USH2A: variants seen among roughly 807,000 people sequenced by gnomAD.
USH2A encodes Usher syndrome 2A (autosomal recessive, mild).
A neutral mutation model predicts 538.9 loss-of-function variants in USH2A; 443 were observed. That is an observed-to-expected ratio of 0.82 (90% CI 0.76 to 0.89). The LOEUF (loss-of-function observed/expected upper bound fraction) is 0.89. Among genes scored for constraint, USH2A ranks in the 40% least tolerant of loss-of-function variants. USH2A has a pLI of 0.00. For missense variants in USH2A, 6,633 were observed against 6,324.8 expected, an observed-to-expected ratio of 1.05 and a Z score of -1.65; for synonymous variants, 2,413 against 2,273.5, an observed-to-expected ratio of 1.06 and a Z score of -1.75.
chr1:216,192,159 C>T (rs1221873096), intron 19 of USH2A, among the ~76,000 whole-genome samples: 2 of 152,124 alleles, frequency 1.3e-5, no homozygotes, highest in African/African-American at 4.8e-5. Flanking sequence ...TACATCATCA[C>T]CACTTTTACG....
At chr1:216,353,957 C>T (rs1233264660) in intron 4 of USH2A, among the ~76,000 whole-genome samples, 2 of 152,132 alleles carry the variant, frequency 1.3e-5, no homozygotes, top group Non-Finnish European at 2.9e-5. Flanking sequence ...CCCAGGGCTA[C>T]TCCCATACTT....
intron 38 of USH2A, among the ~76,000 whole-genome samples, chr1:215,923,421 T>C (rs927744): frequency 0.87 from 131,850 of 152,108 alleles, 57,247 homozygotes; most frequent in African/African-American, 0.91. Flanking sequence ...AGGGGCAACA[T>C]GGCTGGCAGC....
chr1:215,626,187 T>C (rs1656016902), intron 71 of USH2A, among the ~76,000 whole-genome samples: 1 of 151,130 alleles, frequency 6.6e-6, no homozygotes, highest in Admixed American at 6.6e-5. Context: ...TGTGTACATA[T>C]ATACTTGATA....
intron 51 of USH2A, among the ~76,000 whole-genome samples, chr1:215,787,249 A>T (rs577052623): frequency 6.6e-6 from 1 of 152,192 alleles, no homozygotes. Flanking sequence ...CTCAAAACTG[A>T]TAAGTCTTTA....
intron 40 of USH2A, among the ~76,000 whole-genome samples, chr1:215,890,432 G>A (rs1242685784): frequency 6.6e-6 from 1 of 152,054 alleles, no homozygotes; most frequent in African/African-American, 2.4e-5. Context: ...CAGGATCCAC[G>A]TATTTGTCAC....
chr1:215,988,552 T>C (rs1339568877), intron 35 of USH2A, among the ~76,000 whole-genome samples: 1 of 152,072 alleles, frequency 6.6e-6, no homozygotes, highest in Non-Finnish European at 1.5e-5. Flanking sequence ...ATCTAATAAT[T>C]CTATTATTAA....
intron 64 of USH2A, among the ~76,000 whole-genome samples, chr1:215,656,411 T>A (rs1180878345): frequency 6.6e-6 from 1 of 152,226 alleles, no homozygotes; most frequent in Non-Finnish European, 1.5e-5. Flanking sequence ...TACTTCATAA[T>A]ATATGGTTTA....
intron 61 of USH2A, among the ~76,000 whole-genome samples, chr1:215,709,974 G>A (rs1223256946): frequency 6.6e-6 from 1 of 152,150 alleles, no homozygotes; most frequent in Non-Finnish European, 1.5e-5. Flanking sequence ...AAGTGATTGG[G>A]GCAAGGTATA....
Position 216,104,363 on chromosome 1 carries a change from A to G in USH2A, c.4628-7150T>C, listed in dbSNP as rs529501576. 2.6e-5 allele frequency among the ~76,000 whole-genome samples: 4 copies of G among 152,226 alleles called. No individual in the cohort carries two copies. The South Asian group carries it at 8.3e-4, about 32-fold the overall frequency. On this transcript the variant is annotated intron_variant, in intron 21 of 71. Coordinates refer to ENST00000307340, the MANE Select transcript of USH2A (RefSeq NM_206933.4). ...TAGTTTGCTGAGAATGATGGTTTCC[A>G]GCTTCATCCATGTCCCTACAAAGGA...
In USH2A at chr1:216,046,392, T is replaced by G. The variant is rs748466677; in HGVS notation, c.6325+39A>C. Reference sequence around the variant, plus strand: ...CTATATGTATGTTTATATTTGAATATAGACTATAACAATTCGCTGATAACT... The same window carrying G: ...CTATATGTATGTTTATATTTGAATAGAGACTATAACAATTCGCTGATAACT... On this transcript the variant is annotated intron_variant, in intron 32 of 71. Coordinates refer to ENST00000307340, the MANE Select transcript of USH2A (RefSeq NM_206933.4). 5.6e-6 allele frequency: 9 copies of G among 1,611,710 alleles called. No individual in the cohort carries two copies. In the African/African-American group the frequency reaches 1.1e-4, roughly 19 times the overall value.
intron 22 of USH2A, 56 bp from the exon 23 acceptor site, chr1:216,089,195 A>G: frequency 6.5e-7 from 1 of 1,548,306 alleles, no homozygotes; most frequent in Non-Finnish European, 8.9e-7. Flanking sequence ...ACAAATAAAC[A>G]CACACATATT....
chr1:216,010,860 G>A (rs1244219965), intron 32 of USH2A, among the ~76,000 whole-genome samples: 19 of 151,572 alleles, frequency 1.3e-4, no homozygotes, highest in East Asian at 1.2e-3. Context: ...CCTCCTTTGC[G>A]TCCTCCTCTT....
chr1:215,629,255 G>A (rs940695591), intron 70 of USH2A, among the ~76,000 whole-genome samples: 4 of 152,170 alleles, frequency 2.6e-5, no homozygotes, highest in African/African-American at 9.7e-5. Flanking sequence ...ATGAGATGAT[G>A]AGCTAATACT....
At chr1:216,175,534 GAC>G in intron 20 of USH2A, 52 bp from the exon 21 acceptor site, 2 of 1,518,198 alleles carry the variant, frequency 1.3e-6, no homozygotes, top group African/African-American at 1.4e-5. Context: ...TCTGTCTCTA[GAC>G]ACACATATTC....
At chr1:215,711,520 C>T (rs1000988532) in intron 61 of USH2A, among the ~76,000 whole-genome samples, 2 of 152,048 alleles carry the variant, frequency 1.3e-5, no homozygotes, top group Non-Finnish European at 2.9e-5. Flanking sequence ...TTTTAATTTC[C>T]TCATGTCAGT....
chr1:215,727,976 T>C (rs1388548564), intron 61 of USH2A, 54 bp downstream of exon 61: 4 of 1,572,714 alleles, frequency 2.5e-6, no homozygotes, highest in Non-Finnish European at 3.5e-6. Context: ...AAAATTAATT[T>C]CAACGTATTC....
intron 20 of USH2A, among the ~76,000 whole-genome samples, chr1:216,184,796 C>T (rs922764250): frequency 2.0e-5 from 3 of 151,840 alleles, no homozygotes; most frequent in Admixed American, 1.3e-4. Flanking sequence ...CTTATGTACC[C>T]GAATGCAAAA....
At chr1:216,267,255 G>T (rs773206619) in intron 11 of USH2A, among the ~76,000 whole-genome samples, 1 of 152,198 alleles carries the variant, frequency 6.6e-6, no homozygotes, top group East Asian at 1.9e-4. Context: ...ATACAATGAA[G>T]ACAGAATTTA....
At chr1:215,981,775 G>A (rs1172232888) in intron 35 of USH2A, among the ~76,000 whole-genome samples, 5 of 152,170 alleles carry the variant, frequency 3.3e-5, no homozygotes, top group Non-Finnish European at 7.3e-5. Context: ...AGATGTAGCT[G>A]TAGCAAGGAA....
Sources: allele counts gnomAD v4.1 joint callset (sites outside exome capture counted in the v4.1 genomes callset), GRCh38; gene constraint gnomAD v4.1.1; transcripts MANE v1.5; gene names NCBI Gene and HGNC (gene_info 2026-07-23, HGNC 2026-07-21).